Variants in GRIP2 observed in about 807,000 individuals in gnomAD.
The protein encoded by GRIP2 is glutamate receptor-interacting protein 2.
In GRIP2, 58 loss-of-function variants were observed where a neutral mutation model predicts 108.3. That is an observed-to-expected ratio of 0.54 (90% CI 0.43 to 0.67). The LOEUF is 0.67. Ranked by LOEUF, GRIP2 falls within the 30% of genes least tolerant of loss-of-function variation. GRIP2 has a pLI of 0.00. For synonymous variants in GRIP2, 586 were observed against 598.2 expected, an observed-to-expected ratio of 0.98 and a Z score of 0.30; for missense variants, 1,278 against 1,430.6, an observed-to-expected ratio of 0.89 and a Z score of 1.72.
At position 14,493,690 on chromosome 3, in the gene GRIP2, C is replaced by T; in HGVS notation, c.3107G>A (p.Gly1036Asp). ...AHSSRAPRSPGPSSPRML is the reference protein window; with the variant it reads ...AHSSRAPRSPDPSSPRML ...TCAGAGCATCCGGGGACTGCTGGGG[C>T]CTGGCGATCGGGGGGCCCGGCTGCT... Residue 1036 changes from glycine to aspartate, a missense_variant, in exon 24 of 24, where the codon GGC (glycine) becomes GAC (aspartate). Transcript: ENST00000621039. The T allele has an allele frequency of 1.2e-6, 2 of 1,606,844 alleles. No homozygotes were observed. The highest frequency in any genetic ancestry group is 2.2e-5 in the East Asian group (1 of 44,670).
At chr3:14,535,102 G>A (rs1034583878) in intron 1 of GRIP2, among the ~76,000 whole-genome samples, 7 of 152,010 alleles carry the variant, frequency 4.6e-5, no homozygotes, top group Admixed American at 1.3e-4. Flanking sequence ...GTGAGCTGTC[G>A]GCCAGGACCA....
the GRIP2 span, among the ~76,000 whole-genome samples, chr3:14,583,104 T>C: frequency 6.6e-6 from 1 of 152,204 alleles, no homozygotes; most frequent in Non-Finnish European, 1.5e-5. Flanking sequence ...CCATAGGTTG[T>C]CATTGCTCCC....
intron 17 of GRIP2, among the ~76,000 whole-genome samples, chr3:14,509,300 C>G (rs926678090): frequency 2.0e-5 from 3 of 152,222 alleles, no homozygotes; most frequent in African/African-American, 7.2e-5. Context: ...GGAGAAGGCT[C>G]GGTCTCACCC....
At chr3:14,506,225 G>A (rs536061312) in intron 19 of GRIP2, among the ~76,000 whole-genome samples, 5 of 152,268 alleles carry the variant, frequency 3.3e-5, no homozygotes, top group African/African-American at 9.6e-5. Flanking sequence ...TAGAGGCCTC[G>A]CCCCCCCTAC....
At chr3:14,554,746 A>G (rs1033740091) in intron 1 of GRIP2, among the ~76,000 whole-genome samples, 3 of 151,962 alleles carry the variant, frequency 2.0e-5, no homozygotes, top group African/African-American at 4.8e-5. Flanking sequence ...GGCTGGAGAC[A>G]GCCTCAGTGA....
the GRIP2 span, chr3:14,573,202 G>A: frequency 3.5e-4 from 489 of 1,410,534 alleles, 1 homozygote; most frequent in Non-Finnish European, 3.0e-4. Flanking sequence ...TCCAGGATCT[G>A]CCAGCTCTGG....
chr3:14,517,520 T>G (rs889149040), intron 10 of GRIP2, among the ~76,000 whole-genome samples: 1 of 106,700 alleles, frequency 9.4e-6, no homozygotes, highest in Non-Finnish European at 1.9e-5. Context: ...TTTTTTTTTT[T>G]AGTTGAGGTC....
upstream of GRIP2, among the ~76,000 whole-genome samples, chr3:14,543,770 G>A (rs145421139): frequency 9.3e-3 from 1,421 of 152,338 alleles, 15 homozygotes; most frequent in South Asian, 0.04. Flanking sequence ...GAGATGGCAG[G>A]GCCACTGAGC....
chr3:14,528,442 T>C (rs896203390), intron 1 of GRIP2, among the ~76,000 whole-genome samples: 5 of 152,224 alleles, frequency 3.3e-5, no homozygotes, highest in African/African-American at 1.2e-4. Context: ...GTTAACTTTA[T>C]AAGAAACTGC....
At chr3:14,572,960 C>A in the GRIP2 span, 3 of 1,473,276 alleles carry the variant, frequency 2.0e-6, no homozygotes, top group Non-Finnish European at 2.8e-6. Flanking sequence ...AGAAGAGGAC[C>A]ACCAGGCCAG....
intron 1 of GRIP2, among the ~76,000 whole-genome samples, chr3:14,532,231 C>T (rs190262482): frequency 6.6e-6 from 1 of 152,324 alleles, no homozygotes; most frequent in Non-Finnish European, 1.5e-5. Flanking sequence ...AAGGTCTGGT[C>T]CCCGCAGGTG....
Position 14,517,908 on chromosome 3 carries a change from CG to C in GRIP2, c.1031-12del. On this transcript the variant is annotated splice_polypyrimidine_tract_variant and intron_variant, in intron 9 of 23. Transcript: ENST00000621039. ...TCCTCTGCACTTTCACTGTAGCCAG[CG>C]GAGAAAGAGGAAAGAGAGGTGCAGG... The C allele has an allele frequency of 3.3e-6, 5 of 1,533,942 alleles. No individual in the cohort carries two copies. Among genetic ancestry groups the C allele is most frequent in the Non-Finnish European group, 4.4e-6 (5 of 1,138,968 alleles).
the GRIP2 span, among the ~76,000 whole-genome samples, chr3:14,566,040 G>A: frequency 2.6e-5 from 4 of 152,248 alleles, no homozygotes; most frequent in Non-Finnish European, 4.4e-5. Context: ...AGGGAGGAGC[G>A]CATCCCAGAG....
chr3:14,602,831 C>A, the GRIP2 span, among the ~76,000 whole-genome samples: 4 of 151,640 alleles, frequency 2.6e-5, no homozygotes, highest in Non-Finnish European at 4.4e-5. The surrounding 1 kb of genome is among the most constrained non-coding windows in gnomAD (Gnocchi z 4.7). Context: ...CCCCGGCGCC[C>A]CAGGCGTGTG....
In GRIP2 at chr3:14,524,334, T is replaced by G. The variant is rs1694494373; in HGVS notation, c.403+59A>C. The G allele has an allele frequency of 3.2e-6, 5 of 1,553,924 alleles. No homozygotes were observed. In the South Asian group the frequency reaches 6.1e-5, roughly 19 times the overall value. On this transcript the variant is annotated intron_variant, in intron 4 of 23. Coordinates refer to ENST00000621039, the MANE Select transcript of GRIP2 (RefSeq NM_001080423.4). ...TGCCACCCAGGCCCTGGTGGGGAGG[T>G]AGCCGTGTCCACCCGCAACCGAGGC...
chr3:14,540,847 C>A (rs1213935369), upstream of GRIP2, among the ~76,000 whole-genome samples: 2 of 152,242 alleles, frequency 1.3e-5, no homozygotes, highest in African/African-American at 4.8e-5. This position sits in a 1 kb window ranked among gnomAD's most constrained non-coding sequence, Gnocchi z 4.1. Context: ...CTTGGAGACC[C>A]TCCAGGGCCC....
upstream of GRIP2, among the ~76,000 whole-genome samples, chr3:14,543,649 A>C (rs1485844465): frequency 6.6e-6 from 1 of 152,220 alleles, no homozygotes; most frequent in Non-Finnish European, 1.5e-5. Context: ...AGGTGGCTGG[A>C]AGCCAGGCCT....
At position 14,499,588 on chromosome 3, in the gene GRIP2, T is replaced by C. The variant is rs140469278; in HGVS notation, c.2680-3028A>G. Among the ~76,000 whole-genome samples, 1,002 of 151,006 alleles carry C rather than the reference T, an allele frequency of 6.6e-3. 18 individuals carry two copies. Among genetic ancestry groups the C allele is most frequent in the African/African-American group, 0.023 (951 of 41,092 alleles). On this transcript the variant is annotated intron_variant, in intron 21 of 23. Coordinates refer to ENST00000621039, the MANE Select transcript of GRIP2 (RefSeq NM_001080423.4). ...AAAAAAAAAAATTAACCAAGCGTGG[T>C]GGTGCATGCCTGTAGTCCCCAGCTA... is the stretch of plus-strand genomic sequence containing the variant.
At chr3:14,581,094 T>C in the GRIP2 span, among the ~76,000 whole-genome samples, 1 of 152,218 alleles carries the variant, frequency 6.6e-6, no homozygotes, top group African/African-American at 2.4e-5. Context: ...GATGGATAGA[T>C]GATAGACAGA....
Sources: allele counts gnomAD v4.1 joint callset (sites outside exome capture counted in the v4.1 genomes callset), GRCh38; gene constraint gnomAD v4.1.1; non-coding constraint Gnocchi (gnomAD v3.1); transcripts MANE v1.5; gene names NCBI Gene and HGNC (gene_info 2026-07-23, HGNC 2026-07-21).